SI: variants seen among roughly 807,000 people sequenced by gnomAD.
SI encodes sucrase-isomaltase.
SI carries 235 observed loss-of-function variants against 253.3 expected under a neutral mutation model. The observed-to-expected ratio is 0.93, with a 90% CI of 0.83 to 1.03. The LOEUF (loss-of-function observed/expected upper bound fraction) is 1.03, where lower values mean the gene tolerates loss of function less well. Among genes scored for constraint, SI ranks in the 50% least tolerant of loss-of-function variants. The probability of loss-of-function intolerance (pLI) is 0.00; values close to 1 mark genes in which losing one functional copy is unlikely to be tolerated. For synonymous variants in SI, 819 were observed against 712.0 expected, an observed-to-expected ratio of 1.15 and a Z score of -2.39; for missense variants, 2,442 against 2,211.1, an observed-to-expected ratio of 1.10 and a Z score of -2.09.
intron 1 of SI, among the ~76,000 whole-genome samples, chr3:165,077,715 T>A (rs139971491): frequency 6.6e-6 from 1 of 151,758 alleles, no homozygotes; most frequent in East Asian, 1.9e-4. Flanking sequence ...TCATTTGAAG[T>A]GATAACCTAC....
chr3:165,026,530 C>T (rs1711930008), intron 25 of SI, among the ~76,000 whole-genome samples: 1 of 151,326 alleles, frequency 6.6e-6, no homozygotes, highest in Non-Finnish European at 1.5e-5. Context: ...ACAGAAGATA[C>T]ATTCTATTCA....
chr3:164,998,603 A>G lies in SI; in HGVS notation c.4477T>C (p.Trp1493Arg). The G allele has an allele frequency of 6.2e-7, 1 of 1,611,800 alleles. No individual in the cohort carries two copies. The highest frequency in any genetic ancestry group is 8.5e-7 in the Non-Finnish European group (1 of 1,178,410). The change falls in exon 38 of 48, where the codon TGG becomes CGG. Residue 1493 changes from tryptophan to arginine, a missense_variant. Physicochemically the swap from Trp to Arg is moderately radical, Grantham distance 101. Transcript: ENST00000264382. The stretch of plus-strand genomic sequence containing the variant: ...TTGTCTCCAAGCCAGTGTCCTCCCC[A>G]TCGTCCACTAGTAGGATACGTGGAA... ...SRSTYPTSGRWGGHWLGDNYA... is the reference protein window; with the variant it reads ...SRSTYPTSGRRGGHWLGDNYA...
chr3:165,036,236 T>C (rs777168918), intron 22 of SI, among the ~76,000 whole-genome samples, 153 bp downstream of exon 22: 22 of 151,846 alleles, frequency 1.4e-4, no homozygotes, highest in Non-Finnish European at 2.2e-4. Context: ...GTTAAAAGTT[T>C]TAAAGTAGCC....
At chr3:165,048,469 C>T (rs1443349341) in intron 15 of SI, among the ~76,000 whole-genome samples, 1 of 149,878 alleles carries the variant, frequency 6.7e-6, no homozygotes, top group Non-Finnish European at 1.5e-5. Context: ...AAGCTTAAAA[C>T]ACAGTTATAT....
intron 23 of SI, among the ~76,000 whole-genome samples, chr3:165,032,926 T>C (rs1252737074): frequency 6.6e-6 from 1 of 151,472 alleles, no homozygotes; most frequent in Admixed American, 6.6e-5. Context: ...GCAACACATA[T>C]ATACTCATTC....
At chr3:165,051,319 A>G (rs983652359) in intron 13 of SI, among the ~76,000 whole-genome samples, 5 of 152,122 alleles carry the variant, frequency 3.3e-5, no homozygotes, top group Non-Finnish European at 5.9e-5. Flanking sequence ...ATTTGTTATC[A>G]TGACACGTTT....
At chr3:165,069,046 A>G (rs752173489) in intron 4 of SI, 32 bp downstream of exon 4, 3 of 1,400,108 alleles carry the variant, frequency 2.1e-6, no homozygotes, top group Non-Finnish European at 3.0e-6. Context: ...AGAATATATC[A>G]TATTGAATCA....
In SI at chr3:165,059,155, A is replaced by C. The variant is rs1251321672; in HGVS notation, c.1278+13T>G. Reference sequence around the variant, plus strand: ...AAACACTAAAAATGTATTAAGGTATAATTGATTATTACCAAGATGATGACA... The same window carrying C: ...AAACACTAAAAATGTATTAAGGTATCATTGATTATTACCAAGATGATGACA... On this transcript the variant is annotated intron_variant, in intron 11 of 47. Coordinates refer to ENST00000264382, the MANE Select transcript of SI (RefSeq NM_001041.4). 2 of 1,612,158 alleles carry C rather than the reference A, an allele frequency of 1.2e-6. No homozygotes were observed. The highest frequency in any genetic ancestry group is 1.7e-6 in the Non-Finnish European group (2 of 1,178,914).
chr3:165,077,697 T>C (rs1457470469), intron 1 of SI, among the ~76,000 whole-genome samples: 1 of 151,676 alleles, frequency 6.6e-6, no homozygotes, highest in Non-Finnish European at 1.5e-5. Flanking sequence ...TTTAAATAAG[T>C]GTAAATCTCA....
intron 34 of SI, among the ~76,000 whole-genome samples, chr3:165,011,692 G>T (rs1718774249): frequency 6.7e-6 from 1 of 148,796 alleles, no homozygotes; most frequent in Non-Finnish European, 1.5e-5. Flanking sequence ...ATTTATTATT[G>T]TTATTATTTA....
At chr3:165,000,291 T>C (rs986887335) in intron 37 of SI, among the ~76,000 whole-genome samples, 4 of 151,350 alleles carry the variant, frequency 2.6e-5, no homozygotes, top group Non-Finnish European at 5.9e-5. Flanking sequence ...AATAGCTGAA[T>C]ATATGCTTAT....
chr3:165,047,973 C>G (rs539872073), intron 15 of SI, among the ~76,000 whole-genome samples: 1 of 151,886 alleles, frequency 6.6e-6, no homozygotes, highest in Non-Finnish European at 1.5e-5. Context: ...TTCTCAAGTG[C>G]TTTTCCATGT....
intron 28 of SI, 83 bp downstream of exon 28, chr3:165,019,519 A>G: frequency 8.0e-7 from 1 of 1,255,916 alleles, no homozygotes; most frequent in Non-Finnish European, 1.2e-6. Context: ...CTTCAATCCT[A>G]AAGCACAGGC....
intron 2 of SI, among the ~76,000 whole-genome samples, 191 bp downstream of exon 2, chr3:165,075,704 C>A (rs7430656): frequency 0.92 from 139,549 of 151,952 alleles, 64,107 homozygotes; most frequent in Middle Eastern, 0.96. Flanking sequence ...GGATTCCTTA[C>A]TTACAATAGC....
At position 165,025,794 on chromosome 3, in the gene SI, A is replaced by G. The variant is rs538717526; in HGVS notation, c.2893-2018T>C. On this transcript the variant is annotated intron_variant, in intron 25 of 47. Coordinates refer to ENST00000264382, the MANE Select transcript of SI (RefSeq NM_001041.4). ...TTTTCAGACAAACAAATGCTGAGAG[A>G]ATTGTCCACTACCAGAATCAGTACT... is the stretch of plus-strand genomic sequence containing the variant. 7.3e-5 allele frequency among the ~76,000 whole-genome samples: 11 copies of G among 151,572 alleles called. No homozygotes were observed. The South Asian group carries it at 2.3e-3, about 31-fold the overall frequency.
At chr3:165,033,287 A>T in intron 23 of SI, 108 bp downstream of exon 23, 1 of 914,260 alleles carries the variant, frequency 1.1e-6, no homozygotes, top group South Asian at 2.8e-5. Flanking sequence ...CATTCCATTA[A>T]AATCTGTAGG....
intron 5 of SI, among the ~76,000 whole-genome samples, chr3:165,068,049 T>TA (rs549922963): frequency 2.0e-4 from 30 of 151,894 alleles, no homozygotes; most frequent in Non-Finnish European, 4.1e-4. Context: ...TTTATACTAG[T>TA]AAACTACGTG....
intron 14 of SI, among the ~76,000 whole-genome samples, chr3:165,049,546 C>T (rs557722483): frequency 1.3e-5 from 2 of 152,028 alleles, no homozygotes; most frequent in South Asian, 2.1e-4. Context: ...TAGAAATATA[C>T]CTATACCAAA....
intron 7 of SI, 83 bp downstream of exon 7, chr3:165,065,178 T>A (rs1714173073): frequency 1.1e-6 from 1 of 898,210 alleles, no homozygotes; most frequent in African/African-American, 1.7e-5. Context: ...TCAGTTAAAA[T>A]AAATGCTGTT....
Sources: gnomAD v4.1 joint callset for allele counts (sites outside exome capture counted in the v4.1 genomes callset) on GRCh38, gnomAD v4.1.1 for gene constraint, MANE v1.5 for transcripts, NCBI Gene and HGNC (gene_info 2026-07-23, HGNC 2026-07-21) for gene names.